PDE4DIP: variants seen among roughly 807,000 people sequenced by gnomAD.
The protein encoded by PDE4DIP is phosphodiesterase 4D interacting protein.
A neutral mutation model predicts 221.4 loss-of-function variants in PDE4DIP; 59 were observed. That is an observed-to-expected ratio of 0.27 (90% CI 0.22 to 0.33). The LOEUF (loss-of-function observed/expected upper bound fraction) is 0.33. PDE4DIP is among the 10% of genes least tolerant of loss of function. The pLI, the probability that PDE4DIP is intolerant of heterozygous loss-of-function variation, is 1.00. For missense variants in PDE4DIP, 1,036 were observed against 2,154.2 expected, an observed-to-expected ratio of 0.48 and a Z score of 10.28; for synonymous variants, 404 against 815.9, an observed-to-expected ratio of 0.50 and a Z score of 8.60.
chr1:148,978,492 G>C (rs1184765854), intron 19 of PDE4DIP, 77 bp downstream of exon 22: 16 of 982,740 alleles, frequency 1.6e-5, no homozygotes, highest in Admixed American at 2.3e-5. Flanking sequence ...AGTAGAGATG[G>C]AGTTTCACCA....
intron 31 of PDE4DIP, 52 bp downstream of exon 34, chr1:149,010,647 T>C: frequency 6.3e-7 from 1 of 1,584,834 alleles, no homozygotes; most frequent in Non-Finnish European, 8.6e-7. Context: ...CTCTGCTGCC[T>C]GTTTGATTTT....
intron 19 of PDE4DIP, 33 bp downstream of exon 22, chr1:148,978,448 A>G: frequency 7.3e-7 from 1 of 1,371,962 alleles, no homozygotes; most frequent in South Asian, 1.4e-5. Flanking sequence ...TTATTTATTT[A>G]TTTACATTTT....
intron 1 of PDE4DIP, among the ~76,000 whole-genome samples, chr1:148,862,317 C>T (rs1553401935): frequency 6.7e-6 from 1 of 149,826 alleles, no homozygotes; most frequent in Non-Finnish European, 1.5e-5. Context: ...ACAACAGTGC[C>T]TAAAAGCACT....
chr1:149,025,805 C>T (rs1239424946), intron 38 of PDE4DIP: 1 of 148,758 alleles, frequency 6.7e-6, no homozygotes, highest in African/African-American at 2.5e-5. Context: ...TGACAGTAAC[C>T]TTATTTGTCA....
At chr1:148,978,720 C>T (rs1386119773) in intron 19 of PDE4DIP, among the ~76,000 whole-genome samples, 1 of 152,048 alleles carries the variant, frequency 6.6e-6, no homozygotes, top group Non-Finnish European at 1.5e-5. Context: ...GTAGCTGGAG[C>T]TGCAGGTGCA....
chr1:148,975,206 C>T (rs1478982236), intron 17 of PDE4DIP, among the ~76,000 whole-genome samples: 1 of 147,818 alleles, frequency 6.8e-6, no homozygotes, highest in African/African-American at 2.5e-5. Context: ...AATTGTAAAG[C>T]ACTGGTGAAA....
At chr1:148,968,855 T>C in exon 14 of PDE4DIP, 1 of 1,612,934 alleles carries the variant, frequency 6.2e-7, no homozygotes, top group Non-Finnish European at 8.5e-7. Context: ...GCAACACTGC[T>C]CTGCAAACTT....
intron 31 of PDE4DIP, among the ~76,000 whole-genome samples, chr1:149,011,080 A>G (rs1385352025): frequency 6.6e-6 from 1 of 152,068 alleles, no homozygotes; most frequent in Non-Finnish European, 1.5e-5. Flanking sequence ...TAATGGATGT[A>G]TGAATGGATT....
At chr1:148,899,029 G>A (rs13376052) in intron 1 of PDE4DIP, among the ~76,000 whole-genome samples, 5 of 105,768 alleles carry the variant, frequency 4.7e-5, no homozygotes, top group African/African-American at 1.7e-4. Context: ...ATGGGGTTTC[G>A]CCATGCTGGC....
chr1:148,981,442 T>A, intron 21 of PDE4DIP, 45 bp downstream of exon 24: 1 of 1,612,748 alleles, frequency 6.2e-7, no homozygotes, highest in East Asian at 2.2e-5. Flanking sequence ...GCATGCCTAC[T>A]GAGCACTGGC....
At chr1:148,953,217 A>C in intron 5 of PDE4DIP, 1 of 1,613,474 alleles carries the variant, frequency 6.2e-7, no homozygotes, top group Non-Finnish European at 8.5e-7. Context: ...GAGAATGAGG[A>C]TCAGATCCAG....
intron 12 of PDE4DIP, among the ~76,000 whole-genome samples, chr1:148,967,393 TTATC>T (rs2058377124): frequency 6.6e-6 from 1 of 151,118 alleles, no homozygotes; most frequent in South Asian, 2.1e-4. Flanking sequence ...GAACACTTGT[TTATC>T]TATATTTACT....
chr1:149,032,266 G>T, exon 44 of PDE4DIP: 1 of 602,424 alleles, frequency 1.7e-6, no homozygotes, highest in Non-Finnish European at 2.9e-6. Flanking sequence ...TGCACAGAAG[G>T]TTTTGTGATC....
intron 21 of PDE4DIP, 191 bp downstream of exon 24, chr1:148,981,588 C>G (rs2152239788): frequency 1.6e-6 from 1 of 621,764 alleles, no homozygotes; most frequent in East Asian, 2.9e-5. Context: ...AAGTGAAACT[C>G]ACTTTAGCCT....
Position 148,899,083 on chromosome 1 carries a change from C to T in PDE4DIP, c.141+9189C>T, listed in dbSNP as rs147354334. Among the ~76,000 whole-genome samples the T allele has an allele frequency of 1.9e-3, 214 of 112,914 alleles. 2 individuals are homozygous for T. The highest frequency in any genetic ancestry group is 4.1e-3 in the South Asian group (12 of 2,916). 74.1% of individuals were successfully genotyped at this position (112,914 alleles called of 152,430 possible). A position where few individuals can be genotyped will look rare whatever the true frequency, so the allele number is the denominator to read the frequency against. ...CTTACCTCAGGTAATCCACCCACCT[C>T]GGCCTCCCAAAGTGCTGGGATTATA... On this transcript the variant is annotated intron_variant, in intron 1 of 43. Coordinates refer to ENST00000369354, the Ensembl canonical transcript of PDE4DIP.
intron 3 of PDE4DIP, among the ~76,000 whole-genome samples, chr1:148,875,062 T>C (rs12069720): frequency 0.14 from 15,402 of 111,600 alleles, 333 homozygotes; most frequent in African/African-American, 0.28. Flanking sequence ...GCCCTCTTTA[T>C]GTTCCACAAT....
chr1:148,979,783 A>G lies in PDE4DIP; in HGVS notation c.2621A>G (p.Asn874Ser), dbSNP rs782170026. The G allele has an allele frequency of 5.9e-5, 96 of 1,613,542 alleles. 1 individual carries two copies. The highest frequency in any genetic ancestry group is 4.5e-5 in the East Asian group (2 of 44,880). Residue 874 changes from asparagine to serine, a missense_variant, in exon 20 of 44, where the codon AAT becomes AGT. Asn to Ser is a conservative substitution (Grantham distance 46). Transcript: ENST00000369354. ...CTAGTAGATGAACGGAGTCGGCTCA[A>G]TGAGGCCTTACAAGCAGAGAGACAG...
At chr1:148,954,685 A>T (rs1226940132) in intron 5 of PDE4DIP, among the ~76,000 whole-genome samples, 1 of 152,164 alleles carries the variant, frequency 6.6e-6, no homozygotes, top group Non-Finnish European at 1.5e-5. Flanking sequence ...TTGAATTCTT[A>T]ATTGCTTAAT....
chr1:148,958,377 A>T (rs2055935496), intron 5 of PDE4DIP, among the ~76,000 whole-genome samples: 1 of 152,136 alleles, frequency 6.6e-6, no homozygotes, highest in African/African-American at 2.4e-5. Flanking sequence ...TCACCACAGC[A>T]TGATCTTTTC....
Sources: allele counts gnomAD v4.1 joint callset (sites outside exome capture counted in the v4.1 genomes callset), GRCh38; gene constraint gnomAD v4.1.1; transcripts MANE v1.5; gene names NCBI Gene and HGNC (gene_info 2026-07-23, HGNC 2026-07-21).